Variants in SNX29 observed in about 807,000 individuals in gnomAD.
The protein encoded by SNX29 is sorting nexin 29.
SNX29 carries 78 observed loss-of-function variants against 102.1 expected under a neutral mutation model. That is an observed-to-expected ratio of 0.76 (90% CI 0.64 to 0.92). The LOEUF is 0.92. Among genes scored for constraint, SNX29 ranks in the 40% least tolerant of loss-of-function variants. SNX29 has a pLI of 0.00. For synonymous variants in SNX29, 580 were observed against 414.5 expected (o/e 1.40, Z -4.85); for missense variants, 1,280 against 1,061.7 (o/e 1.21, Z -2.86).
intron 20 of SNX29, among the ~76,000 whole-genome samples, chr16:12,545,168 G>T (rs62026958): frequency 1.3e-5 from 2 of 151,892 alleles, no homozygotes; most frequent in South Asian, 2.1e-4. Context: ...TCTGCCAGCC[G>T]TCAGAGAAAC....
intron 20 of SNX29, among the ~76,000 whole-genome samples, chr16:12,555,839 C>A (rs944590873): frequency 6.6e-6 from 1 of 151,978 alleles, no homozygotes; most frequent in African/African-American, 2.4e-5. Context: ...GACTGACCAA[C>A]CCCCCTCACC....
chr16:12,267,245 A>ACTGTGTGT (rs111314265), intron 14 of SNX29, among the ~76,000 whole-genome samples: 7 of 150,570 alleles, frequency 4.6e-5, no homozygotes, highest in African/African-American at 1.7e-4. Flanking sequence ...CATGGGTGCG[A>ACTGTGTGT]GTGTGTGTGT....
At chr16:12,284,655 A>G (rs759801848) in intron 15 of SNX29, among the ~76,000 whole-genome samples, 11 of 152,144 alleles carry the variant, frequency 7.2e-5, no homozygotes, top group African/African-American at 1.7e-4. Context: ...ACTAATAGCA[A>G]TGAGTCTGAT....
intron 16 of SNX29, among the ~76,000 whole-genome samples, chr16:12,363,817 C>T (rs1019431699): frequency 6.6e-6 from 1 of 152,134 alleles, no homozygotes; most frequent in Non-Finnish European, 1.5e-5. Context: ...GATTTCTTTA[C>T]ATTTTGGAAT....
intron 14 of SNX29, among the ~76,000 whole-genome samples, chr16:12,253,110 C>G (rs2078469681): frequency 6.6e-6 from 1 of 152,176 alleles, no homozygotes; most frequent in Non-Finnish European, 1.5e-5. Flanking sequence ...ACGAGCTGTT[C>G]CCTAACCCTC....
In SNX29 at chr16:12,569,118, TTTGCGGGGG is replaced by T. The variant is rs1567226248; in HGVS notation, c.*490_*498del. ...CTGGCCTAACCTAGGGATGGCTGGC[TTTGCGGGGG>T]GGGGGGGGGGGGGGGGCATGGTTCC... is the stretch of plus-strand genomic sequence containing the variant. On this transcript the variant is annotated 3_prime_UTR_variant, in exon 21 of 21. Coordinates refer to ENST00000566228, the MANE Select transcript of SNX29 (RefSeq NM_032167.5). 1 of 21,382 alleles carries T rather than the reference TTTGCGGGGG, an allele frequency of 4.7e-5. No homozygotes were observed. The highest frequency in any genetic ancestry group is 8.9e-5 in the Non-Finnish European group (1 of 11,204). The allele number at this position is 21,382 out of a possible 1,614,324, so 1.3% of individuals were successfully genotyped here. A position where few individuals can be genotyped will look rare whatever the true frequency, so the allele number is the denominator to read the frequency against.
At chr16:12,101,318 C>CTTTTT (rs1596884601) in intron 11 of SNX29, among the ~76,000 whole-genome samples, 1 of 27,616 alleles carries the variant, frequency 3.6e-5, no homozygotes. Flanking sequence ...TTTTTTTTTG[C>CTTTTT]CTTGCAGAAC....
At chr16:12,493,281 T>G (rs1014343939) in intron 19 of SNX29, among the ~76,000 whole-genome samples, 9 of 152,166 alleles carry the variant, frequency 5.9e-5, no homozygotes, top group African/African-American at 1.9e-4. Flanking sequence ...CTAGGTATTT[T>G]ATTCTCTTTG....
intron 1 of SNX29, among the ~76,000 whole-genome samples, chr16:11,992,312 T>G (rs910120274): frequency 7.9e-5 from 12 of 152,028 alleles, no homozygotes; most frequent in African/African-American, 2.9e-4. Context: ...TTTTTTTTAA[T>G]TGAGGTGAAA....
chr16:12,216,452 C>T (rs1236749614), intron 14 of SNX29, among the ~76,000 whole-genome samples: 4 of 152,172 alleles, frequency 2.6e-5, no homozygotes, highest in African/African-American at 9.7e-5. Context: ...GTGTACATAA[C>T]ATCAAGCACC....
At chr16:12,288,700 A>G (rs2079689594) in intron 15 of SNX29, among the ~76,000 whole-genome samples, 1 of 151,148 alleles carries the variant, frequency 6.6e-6, no homozygotes, top group Admixed American at 6.6e-5. Flanking sequence ...AAAAAAAAAG[A>G]TAATGAAGGT....
At chr16:12,442,148 C>T (rs915500377) in intron 18 of SNX29, among the ~76,000 whole-genome samples, 2 of 152,102 alleles carry the variant, frequency 1.3e-5, no homozygotes, top group African/African-American at 4.8e-5. Context: ...ACCCAGTTGT[C>T]CCAGCACAGT....
chr16:12,042,997 C>T lies in SNX29; in HGVS notation c.348C>T (p.Arg116=), dbSNP rs535962563. Residue 116 remains arginine, a synonymous_variant, in exon 5 of 21, where the codon CGC becomes CGT. Coordinates refer to ENST00000566228, the MANE Select transcript of SNX29 (RefSeq NM_032167.5). ...RHIASDVGRG[R]AWLRCALNEH... ...TCGCCTCAGACGTGGGCCGGGGTCG[C>T]GCCTGGCTGCGCTGTGCCCTCAACG... 2.3e-5 allele frequency: 37 copies of T among 1,613,692 alleles called. No homozygotes were observed. Among genetic ancestry groups the T allele is most frequent in the Admixed American group, 1.2e-4 (7 of 60,008 alleles).
intron 4 of SNX29, among the ~76,000 whole-genome samples, chr16:12,036,556 G>A (rs1242760856): frequency 6.6e-6 from 1 of 152,004 alleles, no homozygotes; most frequent in African/African-American, 2.4e-5. Flanking sequence ...GGATGGTCTC[G>A]ATCTCCTGAC....
At chr16:12,349,804 T>C (rs2081943866) in intron 15 of SNX29, among the ~76,000 whole-genome samples, 1 of 152,222 alleles carries the variant, frequency 6.6e-6, no homozygotes. Context: ...TATACTTGTT[T>C]TTCATAATTA....
chr16:12,243,433 T>G (rs548050224), intron 14 of SNX29, among the ~76,000 whole-genome samples: 2 of 152,338 alleles, frequency 1.3e-5, no homozygotes, highest in East Asian at 3.9e-4. Flanking sequence ...GTCTCTATGA[T>G]GAATTTATTA....
At chr16:12,311,257 G>C (rs537154172) in intron 15 of SNX29, among the ~76,000 whole-genome samples, 2 of 152,116 alleles carry the variant, frequency 1.3e-5, no homozygotes, top group African/African-American at 4.8e-5. Context: ...CTCTCTCCCA[G>C]AGCTTGCTGG....
intron 3 of SNX29, among the ~76,000 whole-genome samples, chr16:12,020,929 G>A (rs1408397822): frequency 6.6e-6 from 1 of 152,128 alleles, no homozygotes; most frequent in Non-Finnish European, 1.5e-5. Flanking sequence ...CAGCCTCATG[G>A]CCCATTTCAA....
At chr16:12,086,847 A>T (rs2052224427) in intron 11 of SNX29, 1 of 152,120 alleles carries the variant, frequency 6.6e-6, no homozygotes, top group South Asian at 2.1e-4. Context: ...ATGGGTCCCA[A>T]TCTGGGGGAC....
Sources: allele counts gnomAD v4.1 joint callset (sites outside exome capture counted in the v4.1 genomes callset), GRCh38; gene constraint gnomAD v4.1.1; transcripts MANE v1.5; gene names NCBI Gene and HGNC (gene_info 2026-07-23, HGNC 2026-07-21).